Variants in ALMS1 observed in about 807,000 individuals in gnomAD.
ALMS1 encodes the protein centrosome-associated protein ALMS1.
Under a neutral mutation model 352.2 loss-of-function variants are expected in ALMS1, and 271 were observed. The ratio of observed to expected loss-of-function variants is 0.77; its 90% CI spans 0.70 to 0.85. ALMS1 has a LOEUF of 0.85. ALMS1 is among the 40% of genes least tolerant of loss of function. The pLI, the probability that ALMS1 is intolerant of heterozygous loss-of-function variation, is 0.00. For missense variants in ALMS1, 5,445 were observed against 4,870.7 expected, an observed-to-expected ratio of 1.12 and a Z score of -3.51; for synonymous variants, 1,865 against 1,761.2, an observed-to-expected ratio of 1.06 and a Z score of -1.48.
rs1558712542 is a variant in ALMS1 at position 73,602,387 on chromosome 2, CT to C, written c.12298+22del. On this transcript the variant is annotated intron_variant, in intron 20 of 22. Coordinates refer to ENST00000613296, the MANE Select transcript of ALMS1 (RefSeq NM_001378454.1). The stretch of plus-strand genomic sequence containing the variant: ...AAGAGAGGTACGCCCTGCCCGTTCA[CT>C]TTCCTGTGAGTGGAATAGAGAAGGC... 3.7e-6 allele frequency: 6 copies of C among 1,613,744 alleles called. No individual in the cohort carries two copies. The highest frequency in any genetic ancestry group is 2.7e-5 in the African/African-American group (2 of 74,914).
chr2:73,560,158 T>C (rs1558694629), intron 15 of ALMS1, among the ~76,000 whole-genome samples: 1 of 152,146 alleles, frequency 6.6e-6, no homozygotes. Flanking sequence ...TCAGAATATA[T>C]AAAGAACTTA....
chr2:73,602,920 A>G (rs1196739734), intron 20 of ALMS1, among the ~76,000 whole-genome samples: 2 of 152,238 alleles, frequency 1.3e-5, no homozygotes, highest in Non-Finnish European at 1.5e-5. Flanking sequence ...CTTAACAATT[A>G]TGATAAGCAG....
At chr2:73,591,334 G>A (rs1675428494) in intron 16 of ALMS1, among the ~76,000 whole-genome samples, 1 of 152,058 alleles carries the variant, frequency 6.6e-6, no homozygotes, top group African/African-American at 2.4e-5. Flanking sequence ...ATTTTTGTGT[G>A]TATAGGTATA....
At chr2:73,583,941 T>C (rs1262434238) in intron 16 of ALMS1, among the ~76,000 whole-genome samples, 1 of 152,216 alleles carries the variant, frequency 6.6e-6, no homozygotes, top group Non-Finnish European at 1.5e-5. Context: ...TTCTTGTCTT[T>C]CAAAGTTGTT....
rs747277854 is a variant in ALMS1, at chr2:73,572,455, G to A, written c.10578G>A (p.Met3526Ile). The change falls in exon 16 of 23, where the codon ATG becomes ATA. Residue 3526 changes from methionine (M) to isoleucine (I), a missense_variant. Transcript: ENST00000613296. ...ATCCAGACAAACATAGAGAACACATGTGTCTTCCTCTTCCTTATCAAAACA... is the reference window on the plus strand; with the variant it reads ...ATCCAGACAAACATAGAGAACACATATGTCTTCCTCTTCCTTATCAAAACA... ...QHHPDKHREH[M>I]CLPLPYQNMD... The A allele has an allele frequency of 1.2e-6, 2 of 1,613,966 alleles. No homozygotes were observed. The highest frequency in any genetic ancestry group is 1.7e-6 in the Non-Finnish European group (2 of 1,179,976).
intron 16 of ALMS1, among the ~76,000 whole-genome samples, chr2:73,587,728 C>G (rs1675341541): frequency 6.6e-6 from 1 of 152,022 alleles, no homozygotes; most frequent in African/African-American, 2.4e-5. Context: ...GGATATTGGT[C>G]TTTTGGTTCT....
intron 12 of ALMS1, among the ~76,000 whole-genome samples, chr2:73,538,209 A>G (rs1477554235): frequency 6.6e-6 from 1 of 152,164 alleles, no homozygotes; most frequent in Non-Finnish European, 1.5e-5. Context: ...ACTCAACAAC[A>G]ATAACCCAAA....
chr2:73,551,433 T>G (rs1357688694), intron 13 of ALMS1, among the ~76,000 whole-genome samples: 3 of 122,250 alleles, frequency 2.5e-5, no homozygotes, highest in Non-Finnish European at 1.8e-5. Flanking sequence ...ATCTTTTTTT[T>G]TTTTTTTTTT....
chr2:73,547,505 A>G (rs1674347170), intron 12 of ALMS1, among the ~76,000 whole-genome samples: 2 of 152,130 alleles, frequency 1.3e-5, no homozygotes. Flanking sequence ...GGCATTTAGT[A>G]CAAGTGACTA....
At chr2:73,464,802 G>A (rs1402133976) in intron 9 of ALMS1, among the ~76,000 whole-genome samples, 4 of 152,046 alleles carry the variant, frequency 2.6e-5, no homozygotes, top group Admixed American at 1.3e-4. Context: ...TACACCAACA[G>A]CAGACAAAGA....
chr2:73,523,638 A>C (rs969047166), intron 11 of ALMS1, among the ~76,000 whole-genome samples: 3 of 152,120 alleles, frequency 2.0e-5, no homozygotes, highest in Non-Finnish European at 4.4e-5. Context: ...ATGATGGCAC[A>C]TGCCTGTAAT....
At chr2:73,503,282 T>C (rs941128617) in intron 10 of ALMS1, among the ~76,000 whole-genome samples, 1 of 151,914 alleles carries the variant, frequency 6.6e-6, no homozygotes, top group African/African-American at 2.4e-5. Context: ...CAGAGTGTGA[T>C]GTTCCCCTTC....
intron 7 of ALMS1, among the ~76,000 whole-genome samples, chr2:73,442,274 A>G (rs1335173180): frequency 1.3e-5 from 2 of 152,154 alleles, no homozygotes. Context: ...TTAGGTATGC[A>G]CAATATGTTC....
In ALMS1 at chr2:73,451,606, T is replaced by G; in HGVS notation, c.5079T>G (p.Pro1693=). 6.2e-7 allele frequency: 1 copy of G among 1,614,122 alleles called. No individual in the cohort carries two copies. The highest frequency in any genetic ancestry group is 1.1e-5 in the South Asian group (1 of 91,082). The part of the protein sequence containing the change: ...HLPEEALKVP[P]VPGPDAQKTE... ...CTGAAGAAGCTCTGAAAGTTCCACCTGTTCCTGGACCAGATGCCCAGAAGA... is the reference window on the plus strand; with the variant it reads ...CTGAAGAAGCTCTGAAAGTTCCACCGGTTCCTGGACCAGATGCCCAGAAGA... The change falls in exon 8 of 23, where the codon CCT becomes CCG. Residue 1693 remains proline, a synonymous_variant. Transcript: ENST00000613296.
chr2:73,460,836 G>A (rs1446576743), intron 9 of ALMS1, among the ~76,000 whole-genome samples: 1 of 152,234 alleles, frequency 6.6e-6, no homozygotes, highest in Non-Finnish European at 1.5e-5. Context: ...GAGTCTCGCT[G>A]ATTGCTAGCA....
chr2:73,553,686 T>C (rs893447063), intron 13 of ALMS1, among the ~76,000 whole-genome samples: 2 of 152,222 alleles, frequency 1.3e-5, no homozygotes, highest in African/African-American at 4.8e-5. Context: ...ATAAACTTAA[T>C]TGAATATTGA....
intron 3 of ALMS1, among the ~76,000 whole-genome samples, chr2:73,420,575 A>G (rs1671263692): frequency 6.6e-6 from 1 of 152,210 alleles, no homozygotes; most frequent in Non-Finnish European, 1.5e-5. Flanking sequence ...TAATAGAGCC[A>G]TTTAATACTA....
intron 13 of ALMS1, among the ~76,000 whole-genome samples, chr2:73,552,362 C>T (rs747822110): frequency 6.6e-6 from 1 of 152,206 alleles, no homozygotes; most frequent in African/African-American, 2.4e-5. Flanking sequence ...AACTCTTCTG[C>T]ACCAGGGAAT....
chr2:73,441,043 G>C (rs1020690963), intron 7 of ALMS1, among the ~76,000 whole-genome samples: 1 of 152,190 alleles, frequency 6.6e-6, no homozygotes, highest in Non-Finnish European at 1.5e-5. Context: ...TGCTGGTGCT[G>C]TGTGGGAAGG....
Sources: allele counts gnomAD v4.1 joint callset (sites outside exome capture counted in the v4.1 genomes callset), GRCh38; gene constraint gnomAD v4.1.1; transcripts MANE v1.5; gene names NCBI Gene and HGNC (gene_info 2026-07-23, HGNC 2026-07-21).